KLF5: variants seen among roughly 807,000 people sequenced by gnomAD.
KLF5 encodes the protein KLF transcription factor 5.
Under a neutral mutation model 36.9 loss-of-function variants are expected in KLF5, and 9 were observed. The ratio of observed to expected loss-of-function variants is 0.24; its 90% CI spans 0.15 to 0.43. The LOEUF is 0.43. KLF5 is among the 20% of genes least tolerant of loss of function. KLF5 has a pLI of 1.00. For missense variants in KLF5, 524 were observed against 599.5 expected (o/e 0.87, Z 1.31); for synonymous variants, 246 against 241.7 (o/e 1.02, Z -0.17).
chr13:73,055,037 T>C (rs967678986), upstream of KLF5: 1 of 152,234 alleles, frequency 6.6e-6, no homozygotes. Flanking sequence ...ATTTAAATAC[T>C]GTGCAGTTTA....
At chr13:73,069,108 T>A (rs2044703919) in intron 3 of KLF5, among the ~76,000 whole-genome samples, 2 of 151,848 alleles carry the variant, frequency 1.3e-5, no homozygotes, top group South Asian at 4.2e-4. Context: ...AAAATAATAA[T>A]AATAAAAAAT....
rs146860819 is a variant in KLF5 at position 73,062,721 on chromosome 13, C to G, written c.1122C>G (p.Tyr374Ter). The G allele has an allele frequency of 6.2e-7, 1 of 1,613,652 alleles. No homozygotes were observed. Among genetic ancestry groups the G allele is most frequent in the South Asian group, 1.1e-5 (1 of 91,060 alleles). Residue 374 changes from tyrosine (Y) to a stop codon, truncating the protein, a stop_gained, in exon 2 of 4, where the codon TAC (tyrosine) becomes TAG (stop). Transcript: ENST00000377687. LOFTEE classifies it high-confidence loss of function. ...NPDLEKRRIHYCDYPGCTKVY... is the reference protein window; with the variant it reads ...NPDLEKRRIH Reference sequence around the variant, plus strand: ...ATTTGGAGAAACGACGCATCCACTACTGCGATTACCCTGGTATGTGCTCTT... The same window carrying G: ...ATTTGGAGAAACGACGCATCCACTAGTGCGATTACCCTGGTATGTGCTCTT...
intron 3 of KLF5, among the ~76,000 whole-genome samples, chr13:73,072,673 T>C (rs1419155876): frequency 6.6e-6 from 1 of 152,228 alleles, no homozygotes; most frequent in East Asian, 1.9e-4. Context: ...GGGGTTATTG[T>C]GAGGAAGCGA....
intron 2 of KLF5, 44 bp downstream of exon 2, chr13:73,062,778 TGTGTGTGTGTGTCTGTGTGCGCGCGC>T (rs1163291303): frequency 1.2e-5 from 18 of 1,553,234 alleles, no homozygotes; most frequent in African/African-American, 1.1e-4. Context: ...ATGTAGTGTG[TGTGTGTGTGTGTCTGTGTGCGCGCGC>T]GTGTGCGTGT....
rs750952546 is a variant in KLF5, at chr13:73,059,294, C to T, written c.-34C>T. On this transcript the variant is annotated 5_prime_UTR_variant, in exon 1 of 4. Transcript: ENST00000377687. Reference sequence around the variant, plus strand: ...GCGTGGGCGAGGTGGGAAGTGCGCCCGACCCGCGCCTGGAGCTGCGCCCCC... The same window carrying T: ...GCGTGGGCGAGGTGGGAAGTGCGCCTGACCCGCGCCTGGAGCTGCGCCCCC... The T allele has an allele frequency of 1.4e-5, 19 of 1,334,800 alleles. No homozygotes were observed. The highest frequency in any genetic ancestry group is 1.3e-5 in the Non-Finnish European group (14 of 1,042,860). The allele number at this position is 1,334,800 out of a possible 1,614,324, so 82.7% of individuals were successfully genotyped here. A position where few individuals can be genotyped will look rare whatever the true frequency, so the allele number is the denominator to read the frequency against.
intron 3 of KLF5, among the ~76,000 whole-genome samples, chr13:73,066,526 G>A (rs1184597660): frequency 6.6e-6 from 1 of 152,170 alleles, no homozygotes; most frequent in Admixed American, 6.5e-5. Flanking sequence ...CAGGCAGAAT[G>A]TGAAGCACCC....
Position 73,061,986 on chromosome 13 carries a change from G to A in KLF5, c.387G>A (p.Gly129=), listed in dbSNP as rs1410864383. The A allele has an allele frequency of 7.4e-6, 12 of 1,614,118 alleles. No individual in the cohort carries two copies. The highest frequency in any genetic ancestry group is 8.5e-6 in the Non-Finnish European group (10 of 1,180,024). ...VVDQFFTDTE[G]LPYSINMNVF... is the part of the protein sequence containing the mutation. ...ACCAGTTCTTCACTGACACTGAAGG[G>A]TTACCTTACAGTATCAACATGAACG... Residue 129 remains glycine, a synonymous_variant, in exon 2 of 4, where the codon GGG becomes GGA. Transcript: ENST00000377687.
intron 1 of KLF5, chr13:73,060,465 T>C (rs1294069910): frequency 1.3e-5 from 2 of 152,222 alleles, no homozygotes; most frequent in Admixed American, 6.6e-5. Flanking sequence ...TTTAGTTCAG[T>C]TTATTTCAAG....
upstream of KLF5, among the ~76,000 whole-genome samples, chr13:73,055,553 T>A (rs2044578088): frequency 6.6e-6 from 1 of 152,166 alleles, no homozygotes; most frequent in Admixed American, 6.5e-5. Context: ...CCTTAATGAC[T>A]TTTTTTCTGA....
At chr13:73,063,344 G>C (rs2044654338) in intron 2 of KLF5, among the ~76,000 whole-genome samples, 1 of 152,136 alleles carries the variant, frequency 6.6e-6, no homozygotes, top group Non-Finnish European at 1.5e-5. Context: ...ATATTTACAA[G>C]TTACTGGGAA....
upstream of KLF5, among the ~76,000 whole-genome samples, chr13:73,056,168 G>A (rs1261763785): frequency 6.6e-6 from 1 of 151,816 alleles, no homozygotes; most frequent in Non-Finnish European, 1.5e-5. Flanking sequence ...GACACTTATG[G>A]TTTATTCTAA....
Position 73,059,435 on chromosome 13 carries a change from C to T in KLF5, c.108C>T (p.Ala36=). The change falls in exon 1 of 4, where the codon GCC becomes GCT. Residue 36 remains alanine, a synonymous_variant. Coordinates refer to ENST00000377687, the MANE Select transcript of KLF5 (RefSeq NM_001730.5). ...CGCAGCTCAAGCCGGTGCTGGGCGCCGCGAATCCGGCCCGCGACGCGGCGC... is the reference window on the plus strand; with the variant it reads ...CGCAGCTCAAGCCGGTGCTGGGCGCTGCGAATCCGGCCCGCGACGCGGCGC... ...VFAQLKPVLG[A]ANPARDAALF... The T allele has an allele frequency of 1.5e-6, 2 of 1,297,186 alleles. No homozygotes were observed. Among genetic ancestry groups the T allele is most frequent in the Non-Finnish European group, 2.0e-6 (2 of 1,023,274 alleles). The allele number at this position is 1,297,186 out of a possible 1,614,324, so 80.4% of individuals were successfully genotyped here.
At chr13:73,072,405 G>A (rs2044728554) in intron 3 of KLF5, among the ~76,000 whole-genome samples, 1 of 152,198 alleles carries the variant, frequency 6.6e-6, no homozygotes, top group African/African-American at 2.4e-5. Flanking sequence ...ACAGAGGCTG[G>A]CACTGCCAGG....
At chr13:73,061,313 A>C (rs1002468269) in intron 1 of KLF5, among the ~76,000 whole-genome samples, 2 of 152,250 alleles carry the variant, frequency 1.3e-5, no homozygotes, top group African/African-American at 4.8e-5. Context: ...GTAAACAAGA[A>C]AAGACACTGA....
intron 3 of KLF5, among the ~76,000 whole-genome samples, chr13:73,070,290 G>A (rs1418870462): frequency 6.6e-6 from 1 of 152,142 alleles, no homozygotes; most frequent in African/African-American, 2.4e-5. Context: ...AAATTAAAGG[G>A]AAGGTTATCT....
upstream of KLF5, among the ~76,000 whole-genome samples, chr13:73,058,117 T>C (rs1353428058): frequency 6.6e-6 from 1 of 152,214 alleles, no homozygotes; most frequent in Non-Finnish European, 1.5e-5. Context: ...CATACAGTGC[T>C]AGCAAAAATA....
chr13:73,076,890 G>T lies in KLF5; in HGVS notation c.*1004G>T, dbSNP rs1179994343. 6.6e-6 allele frequency: 1 copy of T among 152,222 alleles called. No homozygotes were observed. Among genetic ancestry groups the T allele is most frequent in the Non-Finnish European group, 1.5e-5 (1 of 68,036 alleles). 9.4% of individuals were successfully genotyped at this position (152,222 alleles called of 1,614,324 possible). ...ATATATCGAGATGTTCGCTCGTGCA[G>T]TACTGTTGGTTAAATGACAATTTAT... On this transcript the variant is annotated 3_prime_UTR_variant, in exon 4 of 4. Coordinates refer to ENST00000377687, the MANE Select transcript of KLF5 (RefSeq NM_001730.5).
chr13:73,075,937 G>C lies in KLF5; in HGVS notation c.*51G>C. On this transcript the variant is annotated 3_prime_UTR_variant, in exon 4 of 4. Transcript: ENST00000377687. ...GTCCCCTGGGCTCCCTCAAATGACAGACCTAACTATTCCTGTGTAAAAACA... is the reference window on the plus strand; with the variant it reads ...GTCCCCTGGGCTCCCTCAAATGACACACCTAACTATTCCTGTGTAAAAACA... 1 of 1,403,264 alleles carries C rather than the reference G, an allele frequency of 7.1e-7. No homozygotes were observed. The highest frequency in any genetic ancestry group is 9.5e-7 in the Non-Finnish European group (1 of 1,050,896). 86.9% of individuals were successfully genotyped at this position (1,403,264 alleles called of 1,614,324 possible). A position where few individuals can be genotyped will look rare whatever the true frequency, so the allele number is the denominator to read the frequency against.
Position 73,075,698 on chromosome 13 carries a change from G to A in KLF5, c.1196-10G>A, listed in dbSNP as rs144505256. The A allele has an allele frequency of 1.6e-4, 257 of 1,568,140 alleles. 2 individuals are homozygous for A. The Admixed American group carries it at 3.4e-3, about 21-fold the overall frequency. On this transcript the variant is annotated splice_polypyrimidine_tract_variant and intron_variant, in intron 3 of 3. Coordinates refer to ENST00000377687, the MANE Select transcript of KLF5 (RefSeq NM_001730.5). ...GCAGGCCGCTTTACCTCCTTTGTTC[G>A]TTGTCACAGGTGAAAAGCCATACAA...
Sources: allele counts gnomAD v4.1 joint callset (sites outside exome capture counted in the v4.1 genomes callset), GRCh38; gene constraint gnomAD v4.1.1; transcripts MANE v1.5; gene names NCBI Gene and HGNC (gene_info 2026-07-23, HGNC 2026-07-21).